NEB: variants seen among roughly 807,000 people sequenced by gnomAD.
NEB encodes nebulin, also known as nemaline myopathy type 2.
NEB carries 512 observed loss-of-function variants against 952.2 expected under a neutral mutation model. The observed-to-expected ratio is 0.54, with a 90% CI of 0.50 to 0.58. NEB has a LOEUF of 0.58. Ranked by LOEUF, NEB falls within the 20% of genes least tolerant of loss-of-function variation. The probability of loss-of-function intolerance (pLI) is 0.00; values close to 1 mark genes in which losing one functional copy is unlikely to be tolerated. For synonymous variants in NEB, 2,900 were observed against 3,149.8 expected, an observed-to-expected ratio of 0.92 and a Z score of 2.66; for missense variants, 8,428 against 9,231.1, an observed-to-expected ratio of 0.91 and a Z score of 3.56.
intron 133 of NEB, among the ~76,000 whole-genome samples, chr2:151,546,839 G>A (rs549597397): frequency 7.2e-5 from 11 of 152,150 alleles, no homozygotes; most frequent in Non-Finnish European, 1.2e-4. Flanking sequence ...GATTACAGGC[G>A]TGAGCCACCG....
intron 34 of NEB, among the ~76,000 whole-genome samples, chr2:151,676,727 G>C (rs1171040866): frequency 6.6e-6 from 1 of 152,124 alleles, no homozygotes; most frequent in Non-Finnish European, 1.5e-5. Flanking sequence ...CTGTGTACAA[G>C]GCACCTCCCT....
rs187583991 is a variant in NEB at position 151,694,114 on chromosome 2, T to C, written c.1896+209A>G. Reference sequence around the variant, plus strand: ...AATAAAACAGAGGGCATTAAGGAGATTAAGGAAAATTTGCAGTATTCACTG... The same window carrying C: ...AATAAAACAGAGGGCATTAAGGAGACTAAGGAAAATTTGCAGTATTCACTG... On this transcript the variant is annotated intron_variant, in intron 20 of 181. Transcript: ENST00000397345. Among the ~76,000 whole-genome samples, 19 of 152,254 alleles carry C rather than the reference T, an allele frequency of 1.2e-4. 1 individual carries two copies. The highest frequency in any genetic ancestry group is 1.2e-3 in the Admixed American group (19 of 15,292).
chr2:151,698,210 T>C (rs2099611533), intron 13 of NEB, among the ~76,000 whole-genome samples: 1 of 152,184 alleles, frequency 6.6e-6, no homozygotes, highest in Admixed American at 6.5e-5. Flanking sequence ...AAAATTTTTT[T>C]TCTTTCTTTT....
At chr2:151,662,111 AC>A (rs750122752) in intron 46 of NEB, 23 bp downstream of exon 46, 2 of 1,584,944 alleles carry the variant, frequency 1.3e-6, no homozygotes, top group African/African-American at 2.7e-5. Flanking sequence ...TGCATATGAA[AC>A]ACTGCATTAT....
In NEB at chr2:151,505,314, T is replaced by C. The variant is rs541884621; in HGVS notation, c.23742+164A>G. ...TGATTATGAGAAAAGTGGTTTCTTA[T>C]CTACTTTTGCAACCTGTAGTGACCC... On this transcript the variant is annotated intron_variant, in intron 165 of 181. Coordinates refer to ENST00000397345, the MANE Select transcript of NEB (RefSeq NM_001164508.2). Among the ~76,000 whole-genome samples the C allele has an allele frequency of 6.6e-6, 1 of 152,162 alleles. No individual in the cohort carries two copies. Among genetic ancestry groups the C allele is most frequent in the African/African-American group, 2.4e-5 (1 of 41,428 alleles).
At chr2:151,565,175 T>C (rs746675517) in intron 116 of NEB, 27 bp from the exon 117 acceptor site, 5 of 1,140,304 alleles carry the variant, frequency 4.4e-6, no homozygotes, top group Non-Finnish European at 6.3e-6. Context: ...AAATCTTTTA[T>C]TACTATAAAT....
chr2:151,633,751 C>T lies in NEB; in HGVS notation c.9317G>A (p.Ser3106Asn). 2.5e-6 allele frequency: 4 copies of T among 1,613,998 alleles called. No homozygotes were observed. Among genetic ancestry groups the T allele is most frequent in the Non-Finnish European group, 3.4e-6 (4 of 1,179,892 alleles). Residue 3106 changes from serine (S) to asparagine (N), a missense_variant, in exon 65 of 182, where the codon AGT (serine) becomes AAT (asparagine). By Grantham distance (46) the Ser-to-Asn change is conservative. Around this residue, in one of 11 missense-constraint regions of NEB, gnomAD observed 1,772 missense variants for 1,960.3 expected, o/e 0.90. Coordinates refer to ENST00000397345, the MANE Select transcript of NEB (RefSeq NM_001164508.2). ...CAGGTAGTTCTTATAGTCCACGTCA[C>T]TGACTAAGGTCTGGCACTTCTTGGC... ...VLAKKCQTLV[S>N]DVDYKNYLHE...
chr2:151,672,456 G>C lies in NEB; in HGVS notation c.4212C>G (p.Asn1404Lys). The change falls in exon 37 of 182, where the codon AAC becomes AAG. Residue 1404 changes from asparagine (N) to lysine (K), a missense_variant. Transcript: ENST00000397345. The stretch of plus-strand genomic sequence containing the variant: ...TGTAATGATGCAATGGCTGTTTGTA[G>C]TTGACATTGGTAGCGACATCCTGGG... ...KMAQDVATNV[N>K]YKQPLHHYTY... is the part of the protein sequence containing the mutation. 6.2e-7 allele frequency: 1 copy of C among 1,613,984 alleles called. No individual in the cohort carries two copies. Among genetic ancestry groups the C allele is most frequent in the Non-Finnish European group, 8.5e-7 (1 of 1,179,858 alleles).
At chr2:151,625,976 GTATGAC>G (rs2098514897) in intron 70 of NEB, among the ~76,000 whole-genome samples, 1 of 152,114 alleles carries the variant, frequency 6.6e-6, no homozygotes, top group South Asian at 2.1e-4. Context: ...CATATCTGTA[GTATGAC>G]TATATTAACA....
rs552522048 is a variant in NEB, at chr2:151,682,311, T to C, written c.2943+351A>G. ...ATGAATTTATTAAAACTTGTCAAAG[T>C]GTACACTTAATGTGAGTTACTTTTA... On this transcript the variant is annotated intron_variant, in intron 29 of 181. Coordinates refer to ENST00000397345, the MANE Select transcript of NEB (RefSeq NM_001164508.2). 1.1e-4 allele frequency among the ~76,000 whole-genome samples: 17 copies of C among 152,204 alleles called. 1 individual carries two copies. Among genetic ancestry groups the C allele is most frequent in the Non-Finnish European group, 2.4e-4 (16 of 68,040 alleles).
chr2:151,513,754 T>A, intron 159 of NEB, 61 bp from the exon 160 acceptor site: 1 of 1,155,164 alleles, frequency 8.7e-7, no homozygotes, highest in Non-Finnish European at 1.3e-6. Context: ...GTAATAAACA[T>A]ACAGGGTGAA....
chr2:151,496,258 T>C lies in NEB; in HGVS notation c.24486+18A>G. On this transcript the variant is annotated intron_variant, in intron 173 of 181. Coordinates refer to ENST00000397345, the MANE Select transcript of NEB (RefSeq NM_001164508.2). ...TTTTAAAATCAGTAAGTAGTTTTTT[T>C]CTTTTCTCGCCAAGTACCGAGCTAA... 1 of 1,573,704 alleles carries C rather than the reference T, an allele frequency of 6.4e-7. No individual in the cohort carries two copies. The highest frequency in any genetic ancestry group is 8.7e-7 in the Non-Finnish European group (1 of 1,150,216).
chr2:151,502,959 A>T, intron 166 of NEB, 74 bp from the exon 167 acceptor site: 1 of 880,192 alleles, frequency 1.1e-6, no homozygotes, highest in South Asian at 1.5e-5. Flanking sequence ...GAAATGGGGG[A>T]AGGGGTTATA....
chr2:151,612,275 G>T lies in NEB; in HGVS notation c.11716C>A (p.Arg3906Ser), dbSNP rs759419548. ...AATTTGAGCTGGTCTGCAGGCTGGC[G>T]ATACTTCCTGTCACTCAGGATTTCT... is the stretch of plus-strand genomic sequence containing the variant. The part of the protein sequence containing the change: ...AGEILSDRKY[R>S]QPADQLKFTC... The change falls in exon 78 of 182, where the codon CGC becomes AGC. Residue 3906 changes from arginine (R) to serine (S), a missense_variant. Physicochemically the swap from Arg to Ser is moderately radical, Grantham distance 110 (BLOSUM62 -1). Coordinates refer to ENST00000397345, the MANE Select transcript of NEB (RefSeq NM_001164508.2). 2 of 1,613,816 alleles carry T rather than the reference G, an allele frequency of 1.2e-6. No homozygotes were observed. The highest frequency in any genetic ancestry group is 2.7e-5 in the African/African-American group (2 of 75,034).
rs199870629 is a variant in NEB at position 151,627,526 on chromosome 2, G to A, written c.10140C>T (p.Ser3380=). 1.7e-5 allele frequency: 28 copies of A among 1,613,332 alleles called. No homozygotes were observed. Among genetic ancestry groups the A allele is most frequent in the African/African-American group, 1.5e-4 (11 of 74,896 alleles). Reference sequence around the variant, plus strand: ...ACCATGGATCTTAATTACTCACATCGCTCTGGAGGTCATAGGCCTGCCGAG... The same window carrying A: ...ACCATGGATCTTAATTACTCACATCACTCTGGAGGTCATAGGCCTGCCGAG... The part of the protein sequence containing the change: ...IHARQAYDLQ[S]DNIYKSDLQW... The change falls in exon 69 of 182, where the codon AGC becomes AGT. Residue 3380 remains serine, a synonymous_variant. Transcript: ENST00000397345.
rs569117771 is a variant in NEB at position 151,490,729 on chromosome 2, A to G, written c.25151-211T>C. Among the ~76,000 whole-genome samples the G allele has an allele frequency of 2.6e-5, 4 of 152,338 alleles. No homozygotes were observed. In the South Asian group the frequency reaches 8.3e-4, roughly 32 times the overall value. ...TTACGTACATGACCAAAGGTCATGG[A>G]ACAGTTAAGTTGTACAGCCAGGTTT... On this transcript the variant is annotated intron_variant, in intron 179 of 181. Coordinates refer to ENST00000397345, the MANE Select transcript of NEB (RefSeq NM_001164508.2).
rs183667452 is a variant in NEB, at chr2:151,672,622, A to G, written c.4046T>C (p.Leu1349Pro). ...GTGGACCAGCTTGGGATCATCCTGG[A>G]GGCTTCTGAAACCCACATGCTTTCC... ...SKGKHVGFRS[L>P]QDDPKLVHYM... Residue 1349 changes from leucine (L) to proline (P), a missense_variant, in exon 37 of 182, where the codon CTC (leucine) becomes CCC (proline). This residue lies in a region of NEB where 2,851 missense variants were observed against 2,791.5 expected (regional missense o/e 1.02). Coordinates refer to ENST00000397345, the MANE Select transcript of NEB (RefSeq NM_001164508.2). The G allele has an allele frequency of 2.5e-5, 41 of 1,613,940 alleles. No homozygotes were observed. The Admixed American group carries it at 4.7e-4, about 18-fold the overall frequency.
chr2:151,578,006 A>G (rs75983376), intron 105 of NEB, among the ~76,000 whole-genome samples: 2 of 152,270 alleles, frequency 1.3e-5, no homozygotes, highest in South Asian at 2.1e-4. Context: ...TACTTCCACA[A>G]TTTTGGTCTC....
intron 144 of NEB, among the ~76,000 whole-genome samples, chr2:151,531,372 A>C (rs2090824952): frequency 7.9e-6 from 1 of 127,186 alleles, no homozygotes; most frequent in South Asian, 2.4e-4. Context: ...GCTGGAGTGC[A>C]GTGGCATGAT....
Sources: allele counts gnomAD v4.1 joint callset (sites outside exome capture counted in the v4.1 genomes callset), GRCh38; gene constraint gnomAD v4.1.1; regional missense constraint gnomAD v4.1.1; transcripts MANE v1.5; gene names NCBI Gene and HGNC (gene_info 2026-07-23, HGNC 2026-07-21).